Variants in KTN1 observed in about 807,000 individuals in gnomAD.
KTN1 encodes the protein kinectin.
KTN1 carries 130 observed loss-of-function variants against 222.5 expected under a neutral mutation model. That is an observed-to-expected ratio of 0.58 (90% CI 0.51 to 0.68). The LOEUF (loss-of-function observed/expected upper bound fraction) is 0.68, where lower values mean the gene tolerates loss of function less well. Ranked by LOEUF, KTN1 falls within the 30% of genes least tolerant of loss-of-function variation. The pLI is 0.00. For missense variants in KTN1, 1,508 were observed against 1,500.4 expected (o/e 1.01, Z -0.08); for synonymous variants, 512 against 496.3 (o/e 1.03, Z -0.42).
chr14:55,628,876 G>T (rs997292046), intron 6 of KTN1, among the ~76,000 whole-genome samples: 1 of 152,110 alleles, frequency 6.6e-6, no homozygotes, highest in Admixed American at 6.5e-5. Flanking sequence ...CTTATGATGT[G>T]TATACTTCTA....
intron 41 of KTN1, among the ~76,000 whole-genome samples, chr14:55,677,732 C>G (rs1350145222): frequency 6.6e-6 from 1 of 152,006 alleles, no homozygotes; most frequent in Non-Finnish European, 1.5e-5. Context: ...GAGTTTTGCT[C>G]TTATTGCCCA....
intron 1 of KTN1, 50 bp downstream of exon 1, chr14:55,580,404 G>A (rs1003299305): frequency 6.8e-6 from 1 of 146,586 alleles, no homozygotes; most frequent in Non-Finnish European, 1.5e-5. Context: ...CGGGGAGCGC[G>A]GGGGGAGGCG....
intron 32 of KTN1, chr14:55,663,025 C>T (rs147258564): frequency 3.4e-4 from 154 of 454,762 alleles, no homozygotes; most frequent in African/African-American, 2.6e-3. Flanking sequence ...TTTGCCACTT[C>T]GTTTTCTGTG....
intron 39 of KTN1, 75 bp downstream of exon 39, chr14:55,673,087 G>A (rs1033108970): frequency 5.2e-5 from 78 of 1,501,144 alleles, no homozygotes; most frequent in Non-Finnish European, 6.8e-5. Flanking sequence ...TTCAGTATAA[G>A]TTGTTTGTGG....
intron 1 of KTN1, among the ~76,000 whole-genome samples, chr14:55,593,102 A>G (rs758941479): frequency 5.3e-4 from 81 of 152,094 alleles, no homozygotes; most frequent in Non-Finnish European, 1.1e-3. Context: ...GCCAGTATCT[A>G]TAATTTTCAT....
chr14:55,641,088 A>G (rs1443085483), intron 16 of KTN1, 39 bp from the exon 17 acceptor site: 1 of 1,492,176 alleles, frequency 6.7e-7, no homozygotes, highest in African/African-American at 1.4e-5. Context: ...GATTTTCTGA[A>G]TGTATGAAGT....
chr14:55,666,596 A>G (rs1369209906), intron 33 of KTN1, among the ~76,000 whole-genome samples: 1 of 151,982 alleles, frequency 6.6e-6, no homozygotes, highest in Non-Finnish European at 1.5e-5. Context: ...TTGTAAATTT[A>G]TAGCAGAGTC....
intron 18 of KTN1, among the ~76,000 whole-genome samples, chr14:55,645,532 T>TA (rs967803634): frequency 4.6e-5 from 7 of 152,204 alleles, no homozygotes; most frequent in Non-Finnish European, 2.9e-5. Flanking sequence ...TTAATAGTGT[T>TA]ATGTCTTTTT....
chr14:55,591,234 G>A (rs2034066543), intron 1 of KTN1, among the ~76,000 whole-genome samples: 1 of 151,960 alleles, frequency 6.6e-6, no homozygotes, highest in Admixed American at 6.6e-5. Context: ...TATATTATCA[G>A]GTATACTATT....
intron 1 of KTN1, among the ~76,000 whole-genome samples, chr14:55,597,976 CTG>C (rs1050320548): frequency 1.3e-5 from 2 of 152,100 alleles, no homozygotes; most frequent in Non-Finnish European, 2.9e-5. Context: ...ACTTAACTAT[CTG>C]TGAAAATTTG....
At chr14:55,678,247 C>T in intron 41 of KTN1, 105 bp from the exon 42 acceptor site, 1 of 694,980 alleles carries the variant, frequency 1.4e-6, no homozygotes, top group Non-Finnish European at 2.4e-6. Flanking sequence ...CCTGTGTCGT[C>T]TTTTGAGAGG....
Position 55,612,135 on chromosome 14 carries a change from G to GA in KTN1, c.90dup (p.Glu31ArgfsTer5). On this transcript the variant is annotated frameshift_variant, in exon 2 of 44. Coordinates refer to ENST00000395314, the MANE Select transcript of KTN1 (RefSeq NM_001079521.2). LOFTEE classifies it high-confidence loss of function. ...TTTTCCTCTTCTTCTGGCTTTTCAT[G>GA]AAAGAAACATTATATGATGAAGTTC... 6.4e-7 allele frequency: 1 copy of GA among 1,570,480 alleles called. No homozygotes were observed. The highest frequency in any genetic ancestry group is 8.6e-7 in the Non-Finnish European group (1 of 1,166,554).
chr14:55,642,557 T>G (rs1372164120), intron 18 of KTN1, among the ~76,000 whole-genome samples: 1 of 152,214 alleles, frequency 6.6e-6, no homozygotes. Flanking sequence ...ATAGGAAGTT[T>G]GCGTTTGTTC....
chr14:55,635,531 T>G (rs1329655794), intron 9 of KTN1, among the ~76,000 whole-genome samples: 1 of 152,190 alleles, frequency 6.6e-6, no homozygotes, highest in African/African-American at 2.4e-5. Context: ...TACTGTATCT[T>G]TAGACGCCAG....
chr14:55,671,583 G>C lies in KTN1; in HGVS notation c.3366G>C (p.Leu1122Phe). 2 of 1,611,424 alleles carry C rather than the reference G, an allele frequency of 1.2e-6. No individual in the cohort carries two copies. Among genetic ancestry groups the C allele is most frequent in the South Asian group, 2.2e-5 (2 of 90,204 alleles). The change falls in exon 36 of 44, where the codon TTG becomes TTC. Residue 1122 changes from leucine to phenylalanine, a missense_variant. Leu to Phe is a conservative substitution (Grantham distance 22, BLOSUM62 0). Coordinates refer to ENST00000395314, the MANE Select transcript of KTN1 (RefSeq NM_001079521.2). ...SEEVKVLEHK[L>F]KEADEMHTLL... The stretch of plus-strand genomic sequence containing the variant: ...CTTTGCAGGTTCTAGAGCACAAGTT[G>C]AAAGAAGCTGATGAAATGCACACAT...
chr14:55,677,099 G>A (rs1342477637), intron 41 of KTN1, among the ~76,000 whole-genome samples: 1 of 152,120 alleles, frequency 6.6e-6, no homozygotes, highest in Non-Finnish European at 1.5e-5. Context: ...GCAATGATAG[G>A]TGACAGTTAA....
chr14:55,673,080 A>T, intron 39 of KTN1, 68 bp downstream of exon 39: 1 of 1,506,176 alleles, frequency 6.6e-7, no homozygotes, highest in Non-Finnish European at 9.2e-7. Context: ...GTGATATTTC[A>T]GTATAAGTTG....
chr14:55,600,219 A>G (rs1288415663), intron 1 of KTN1, among the ~76,000 whole-genome samples: 1 of 151,688 alleles, frequency 6.6e-6, no homozygotes, highest in Non-Finnish European at 1.5e-5. Context: ...GATACACCTA[A>G]GAGTTATTTT....
At chr14:55,678,652 G>C in intron 42 of KTN1, 1 of 489,940 alleles carries the variant, frequency 2.0e-6, no homozygotes, top group Non-Finnish European at 3.7e-6. Context: ...ATGGAGCGGG[G>C]GTCCCCAATT....
Sources: allele counts gnomAD v4.1 joint callset (sites outside exome capture counted in the v4.1 genomes callset), GRCh38; gene constraint gnomAD v4.1.1; transcripts MANE v1.5; gene names NCBI Gene and HGNC (gene_info 2026-07-23, HGNC 2026-07-21).